The following LRRC69 variants were observed in gnomAD, a reference collection of about 807,000 sequenced individuals.
LRRC69 encodes the protein leucine-rich repeat-containing protein 69.
Under a neutral mutation model 37.8 loss-of-function variants are expected in LRRC69, and 42 were observed. The ratio of observed to expected loss-of-function variants is 1.11; its 90% CI spans 0.87 to 1.44. The LOEUF (loss-of-function observed/expected upper bound fraction) is 1.44. LRRC69 is among the 40% of genes most tolerant of loss of function. The probability of loss-of-function intolerance (pLI) is 0.00; values close to 1 mark genes in which losing one functional copy is unlikely to be tolerated. For synonymous variants in LRRC69, 141 were observed against 143.1 expected (o/e 0.99, Z 0.11); for missense variants, 357 against 401.9 (o/e 0.89, Z 0.96).
intron 7 of LRRC69, among the ~76,000 whole-genome samples, chr8:91,204,228 TTG>T (rs1351637038): frequency 1.3e-5 from 2 of 152,268 alleles, no homozygotes; most frequent in East Asian, 1.9e-4. Flanking sequence ...AGGGAAATGG[TTG>T]TGTCTTACAC....
chr8:91,134,441 G>A (rs768920119), intron 4 of LRRC69, among the ~76,000 whole-genome samples: 2 of 151,506 alleles, frequency 1.3e-5, no homozygotes, highest in Non-Finnish European at 2.9e-5. Context: ...GAGGTCCAAG[G>A]GCAGAAGAAG....
chr8:91,194,499 C>G (rs930291943), intron 6 of LRRC69, among the ~76,000 whole-genome samples: 2 of 151,942 alleles, frequency 1.3e-5, no homozygotes, highest in Non-Finnish European at 2.9e-5. Context: ...GGTTAGTAAG[C>G]TATTGATTAT....
intron 6 of LRRC69, among the ~76,000 whole-genome samples, chr8:91,199,015 G>T (rs910646073): frequency 1.3e-5 from 2 of 152,310 alleles, no homozygotes; most frequent in Admixed American, 1.3e-4. Flanking sequence ...TTTGGGTCCA[G>T]AAATCATAAA....
At chr8:91,212,801 C>A (rs1441904308) in intron 7 of LRRC69, among the ~76,000 whole-genome samples, 1 of 151,946 alleles carries the variant, frequency 6.6e-6, no homozygotes, top group Non-Finnish European at 1.5e-5. Context: ...TTCTAAACAG[C>A]CATGAAAGTC....
chr8:91,131,515 T>C (rs985932032), intron 3 of LRRC69, among the ~76,000 whole-genome samples: 3 of 151,986 alleles, frequency 2.0e-5, no homozygotes, highest in African/African-American at 7.2e-5. Context: ...TACTTTTATT[T>C]AAAGCCCCTT....
intron 5 of LRRC69, among the ~76,000 whole-genome samples, chr8:91,147,206 A>AT (rs947470451): frequency 1.4e-5 from 2 of 147,610 alleles, no homozygotes; most frequent in East Asian, 2.0e-4. Context: ...TTTAAAGTTT[A>AT]TTTTTTTCTC....
At chr8:91,169,502 A>C (rs1468666990) in intron 5 of LRRC69, among the ~76,000 whole-genome samples, 1 of 149,474 alleles carries the variant, frequency 6.7e-6, no homozygotes, top group Non-Finnish European at 1.5e-5. Context: ...GCATGAGTAC[A>C]TGTACATATG....
intron 5 of LRRC69, among the ~76,000 whole-genome samples, chr8:91,169,859 T>A (rs1189569710): frequency 7.4e-6 from 1 of 134,450 alleles, no homozygotes; most frequent in Non-Finnish European, 1.6e-5. Context: ...GAACTCATCC[T>A]TTTTTATGGC....
chr8:91,200,522 C>G (rs1809693439), intron 6 of LRRC69, 91 bp from the exon 7 acceptor site: 2 of 774,076 alleles, frequency 2.6e-6, no homozygotes, highest in Non-Finnish European at 3.9e-6. Context: ...AGATAATAAG[C>G]CATACACTTT....
At position 91,107,259 on chromosome 8, in the gene LRRC69, C is replaced by T. The variant is rs1026608237; in HGVS notation, c.183+4415C>T. Among the ~76,000 whole-genome samples the T allele has an allele frequency of 1.6e-4, 24 of 151,842 alleles. No individual in the cohort carries two copies. The East Asian group carries it at 3.9e-3, about 25-fold the overall frequency. On this transcript the variant is annotated intron_variant, in intron 1 of 7. Transcript: ENST00000448384. ...AAGTGATTTTCCTTCCTCAGCCTCC[C>T]GAGTGGCTGGGATTACAGGCACCTG...
intron 5 of LRRC69, among the ~76,000 whole-genome samples, chr8:91,159,603 G>A (rs1265468795): frequency 1.3e-5 from 2 of 151,086 alleles, no homozygotes; most frequent in Non-Finnish European, 3.0e-5. Flanking sequence ...GGCTTTGGCT[G>A]AAAAAAACAT....
intron 5 of LRRC69, among the ~76,000 whole-genome samples, chr8:91,185,856 G>A (rs1809399463): frequency 6.6e-6 from 1 of 152,054 alleles, no homozygotes; most frequent in Non-Finnish European, 1.5e-5. Context: ...AGAATGCACA[G>A]GGATTTGTCA....
intron 5 of LRRC69, among the ~76,000 whole-genome samples, chr8:91,180,935 AG>A (rs1354725269): frequency 6.6e-6 from 1 of 152,150 alleles, no homozygotes; most frequent in East Asian, 1.9e-4. Context: ...AGAAAGTGAA[AG>A]GGCAAGAGAA....
intron 5 of LRRC69, among the ~76,000 whole-genome samples, chr8:91,137,329 T>G (rs1418427419): frequency 2.6e-5 from 4 of 152,048 alleles, no homozygotes; most frequent in Admixed American, 6.6e-5. Flanking sequence ...GGTGCCACGT[T>G]TTCTACGGTA....
intron 5 of LRRC69, among the ~76,000 whole-genome samples, chr8:91,165,537 ATATAT>A (rs1310742473): frequency 6.6e-6 from 1 of 151,760 alleles, no homozygotes; most frequent in Non-Finnish European, 1.5e-5. Flanking sequence ...GTTAGTGCTA[ATATAT>A]TAAAATAATC....
In LRRC69 at chr8:91,163,179, A is replaced by G. The variant is rs760571094; in HGVS notation, c.652-26343A>G. Among the ~76,000 whole-genome samples the G allele has an allele frequency of 4.6e-5, 7 of 151,476 alleles. No homozygotes were observed. The South Asian group carries it at 6.2e-4, about 13-fold the overall frequency. Reference sequence around the variant, plus strand: ...ACTCAGTCAAAGTAGCCTCTACTCTATGACATCAAATTTTAAATTTTTCTT... The same window carrying G: ...ACTCAGTCAAAGTAGCCTCTACTCTGTGACATCAAATTTTAAATTTTTCTT... On this transcript the variant is annotated intron_variant, in intron 5 of 7. Coordinates refer to ENST00000448384, the Ensembl canonical transcript of LRRC69.
At chr8:91,195,693 C>T (rs1165624554) in intron 6 of LRRC69, among the ~76,000 whole-genome samples, 1 of 152,150 alleles carries the variant, frequency 6.6e-6, no homozygotes, top group East Asian at 1.9e-4. Flanking sequence ...TTTCCATTTG[C>T]TTGGAAGATC....
At chr8:91,201,708 T>G (rs1809713971) in intron 7 of LRRC69, among the ~76,000 whole-genome samples, 1 of 152,128 alleles carries the variant, frequency 6.6e-6, no homozygotes, top group African/African-American at 2.4e-5. Flanking sequence ...GCTAGCATAG[T>G]ATAATATTGG....
intron 6 of LRRC69, among the ~76,000 whole-genome samples, chr8:91,197,314 C>G (rs1175392770): frequency 6.6e-6 from 1 of 152,166 alleles, no homozygotes; most frequent in Non-Finnish European, 1.5e-5. Context: ...TGCCCTGCCC[C>G]CAGAGGTGGA....
Sources: allele counts gnomAD v4.1 joint callset (sites outside exome capture counted in the v4.1 genomes callset), GRCh38; gene constraint gnomAD v4.1.1; transcripts MANE v1.5; gene names NCBI Gene and HGNC (gene_info 2026-07-23, HGNC 2026-07-21).